NCAM2: variants seen among roughly 807,000 people sequenced by gnomAD.
The protein encoded by NCAM2 is N-CAM-2.
A neutral mutation model predicts 98.1 loss-of-function variants in NCAM2; 30 were observed. The observed-to-expected ratio is 0.31, with a 90% CI of 0.23 to 0.41. The LOEUF (loss-of-function observed/expected upper bound fraction) is 0.41, where lower values mean the gene tolerates loss of function less well. NCAM2 is among the 10% of genes least tolerant of loss of function. The pLI is 1.00. For synonymous variants in NCAM2, 368 were observed against 342.4 expected (o/e 1.07, Z -0.83); for missense variants, 867 against 1,005.8 (o/e 0.86, Z 1.87).
chr21:21,075,091 A>G lies in NCAM2; in HGVS notation c.55+76473A>G, dbSNP rs537776259. Among the ~76,000 whole-genome samples, 84 of 152,308 alleles carry G rather than the reference A, an allele frequency of 5.5e-4. No homozygotes were observed. The South Asian group carries it at 0.014, about 26-fold the overall frequency. ...TCTCAGCAAACTAACACAGGGACAG[A>G]AAACCAAATACTGCATGTTCTCACT... On this transcript the variant is annotated intron_variant, in intron 1 of 17. Transcript: ENST00000400546.
intron 12 of NCAM2, among the ~76,000 whole-genome samples, chr21:21,435,121 GGATTTCTTT>G (rs2077439851): frequency 6.6e-6 from 1 of 152,136 alleles, no homozygotes; most frequent in African/African-American, 2.4e-5. Flanking sequence ...TACTTCAGCA[GGATTTCTTT>G]TAAGTGTGAA....
At chr21:21,518,856 G>A (rs1404590935) in intron 16 of NCAM2, among the ~76,000 whole-genome samples, 7 of 151,968 alleles carry the variant, frequency 4.6e-5, no homozygotes, top group East Asian at 3.9e-4. Flanking sequence ...GTTAATAAAC[G>A]TTAACTAAAA....
At chr21:21,537,766 T>C in intron 17 of NCAM2, 80 bp from the exon 18 acceptor site, 1 of 634,218 alleles carries the variant, frequency 1.6e-6, no homozygotes, top group Admixed American at 3.2e-5. Flanking sequence ...ATATTTTCCT[T>C]ACAAAACAGT....
intron 1 of NCAM2, among the ~76,000 whole-genome samples, chr21:21,154,722 T>C (rs2067557436): frequency 6.6e-6 from 1 of 151,926 alleles, no homozygotes; most frequent in South Asian, 2.1e-4. Context: ...TGTATATAGA[T>C]TTAAGCTAAA....
Position 21,410,377 on chromosome 21 carries a change from C to G in NCAM2, c.1299C>G (p.His433Gln). ...DVKSNPPASI[H>Q]WRRDKLVLPA... ...AATCGAATCCACCAGCATCAATTCA[C>G]TGGAGAAGAGATAAATTAGTCTTAC... Residue 433 changes from histidine (H) to glutamine (Q), a missense_variant, in exon 10 of 18, where the codon CAC becomes CAG. Coordinates refer to ENST00000400546, the MANE Select transcript of NCAM2 (RefSeq NM_004540.5). 1 of 1,601,314 alleles carries G rather than the reference C, an allele frequency of 6.2e-7. No individual in the cohort carries two copies. Among genetic ancestry groups the G allele is most frequent in the Non-Finnish European group, 8.5e-7 (1 of 1,172,454 alleles).
rs118011991 is a variant in NCAM2 at position 21,058,266 on chromosome 21, C to T, written c.55+59648C>T. Among the ~76,000 whole-genome samples, 934 of 151,660 alleles carry T rather than the reference C, an allele frequency of 6.2e-3. 4 individuals are homozygous for T. The highest frequency in any genetic ancestry group is 0.011 in the Non-Finnish European group (714 of 67,892). Reference sequence around the variant, plus strand: ...CTCCCACTTTCACTTGATTAAAGTTCGAAATACTGGGACCCACTTGCTATG... The same window carrying T: ...CTCCCACTTTCACTTGATTAAAGTTTGAAATACTGGGACCCACTTGCTATG... On this transcript the variant is annotated intron_variant, in intron 1 of 17. Coordinates refer to ENST00000400546, the MANE Select transcript of NCAM2 (RefSeq NM_004540.5).
intron 14 of NCAM2, 66 bp from the exon 15 acceptor site, chr21:21,477,225 T>G (rs1270515544): frequency 1.6e-6 from 2 of 1,263,824 alleles, no homozygotes; most frequent in Non-Finnish European, 2.1e-6. Context: ...TCCAATATAA[T>G]TTTTTTAAAA....
chr21:21,424,702 G>A (rs900225616), intron 11 of NCAM2, among the ~76,000 whole-genome samples: 1 of 152,096 alleles, frequency 6.6e-6, no homozygotes, highest in Non-Finnish European at 1.5e-5. Context: ...TGTGCTTAGA[G>A]AGGTAGAGAG....
intron 1 of NCAM2, among the ~76,000 whole-genome samples, chr21:21,101,344 A>G (rs2066236651): frequency 6.6e-6 from 1 of 152,068 alleles, no homozygotes; most frequent in Non-Finnish European, 1.5e-5. Flanking sequence ...AATAGAAACT[A>G]TATTACATTT....
chr21:21,488,672 G>T (rs918755672), intron 15 of NCAM2, among the ~76,000 whole-genome samples: 1 of 151,712 alleles, frequency 6.6e-6, no homozygotes, highest in Non-Finnish European at 1.5e-5. Context: ...TAGTAATTAA[G>T]AAATATCCCT....
intron 16 of NCAM2, among the ~76,000 whole-genome samples, chr21:21,512,165 T>C (rs144015986): frequency 1.1e-3 from 169 of 152,128 alleles, no homozygotes; most frequent in Middle Eastern, 3.4e-3. Flanking sequence ...AAGAAATTTA[T>C]GCCCAGATCA....
At chr21:21,183,570 G>T (rs1352308938) in intron 1 of NCAM2, among the ~76,000 whole-genome samples, 1 of 152,080 alleles carries the variant, frequency 6.6e-6, no homozygotes, top group Non-Finnish European at 1.5e-5. Flanking sequence ...TCCCCCACCT[G>T]GCCATGGCAG....
chr21:21,060,387 A>G (rs1450686448), intron 1 of NCAM2, among the ~76,000 whole-genome samples: 1 of 152,132 alleles, frequency 6.6e-6, no homozygotes, highest in African/African-American at 2.4e-5. Context: ...TTTAGTCTAA[A>G]TCTTCCAGAT....
chr21:21,443,096 A>T (rs908801808), intron 12 of NCAM2, among the ~76,000 whole-genome samples: 2 of 152,170 alleles, frequency 1.3e-5, no homozygotes, highest in African/African-American at 4.8e-5. Context: ...ATATGCAGCC[A>T]TAAAAAAAGA....
At chr21:21,044,835 T>C (rs1280554180) in intron 1 of NCAM2, among the ~76,000 whole-genome samples, 3 of 151,924 alleles carry the variant, frequency 2.0e-5, no homozygotes. Flanking sequence ...CATGGTGGCG[T>C]GCATCTGTGG....
At chr21:21,057,336 A>G (rs571823082) in intron 1 of NCAM2, among the ~76,000 whole-genome samples, 11 of 152,276 alleles carry the variant, frequency 7.2e-5, no homozygotes, top group African/African-American at 2.6e-4. Context: ...TTACCTATGA[A>G]TGGGTAAACC....
At chr21:21,261,558 A>G (rs1474308036) in intron 1 of NCAM2, among the ~76,000 whole-genome samples, 2 of 152,180 alleles carry the variant, frequency 1.3e-5, no homozygotes, top group East Asian at 3.9e-4. Flanking sequence ...TCAAAACCAC[A>G]CAATTACATG....
chr21:21,502,688 C>T (rs529777789), intron 15 of NCAM2, among the ~76,000 whole-genome samples: 92 of 152,004 alleles, frequency 6.1e-4, no homozygotes, highest in African/African-American at 2.1e-3. Flanking sequence ...AGATACCGTA[C>T]GTAGTAATAT....
intron 1 of NCAM2, among the ~76,000 whole-genome samples, chr21:21,158,132 CTT>C (rs1159800534): frequency 1.3e-5 from 2 of 152,114 alleles, no homozygotes; most frequent in Non-Finnish European, 2.9e-5. Context: ...AAACTACCCT[CTT>C]AAGAATTAAA....
Sources: gnomAD v4.1 joint callset for allele counts (sites outside exome capture counted in the v4.1 genomes callset) on GRCh38, gnomAD v4.1.1 for gene constraint, MANE v1.5 for transcripts, NCBI Gene and HGNC (gene_info 2026-07-23, HGNC 2026-07-21) for gene names.